The following TNFRSF19 variants were observed in gnomAD, a reference collection of about 807,000 sequenced individuals.
TNFRSF19 encodes the protein tumor necrosis factor receptor superfamily member 19.
In TNFRSF19, 27 loss-of-function variants were observed where a neutral mutation model predicts 46.4. That is an observed-to-expected ratio of 0.58 (90% CI 0.43 to 0.80). The LOEUF (loss-of-function observed/expected upper bound fraction) is 0.80, where lower values mean the gene tolerates loss of function less well. TNFRSF19 is among the 30% of genes least tolerant of loss of function. The pLI, the probability that TNFRSF19 is intolerant of heterozygous loss-of-function variation, is 0.00. For missense variants in TNFRSF19, 511 were observed against 530.8 expected, an observed-to-expected ratio of 0.96 and a Z score of 0.37; for synonymous variants, 204 against 205.0, an observed-to-expected ratio of 1.00 and a Z score of 0.04.
At chr13:23,628,796 T>C (rs1396582590) in intron 5 of TNFRSF19, among the ~76,000 whole-genome samples, 3 of 152,180 alleles carry the variant, frequency 2.0e-5, no homozygotes, top group Non-Finnish European at 4.4e-5. Flanking sequence ...TATATGTGTG[T>C]GTATATGTTT....
At chr13:23,656,201 T>C (rs1396246672) in intron 5 of TNFRSF19, among the ~76,000 whole-genome samples, 1 of 152,216 alleles carries the variant, frequency 6.6e-6, no homozygotes, top group Non-Finnish European at 1.5e-5. Flanking sequence ...AAGGGGCATA[T>C]TGGATGTACT....
chr13:23,655,912 G>A (rs993456324), intron 5 of TNFRSF19, among the ~76,000 whole-genome samples: 5 of 152,104 alleles, frequency 3.3e-5, no homozygotes, highest in Non-Finnish European at 7.4e-5. Context: ...ATTTATGTCT[G>A]CATTGCTATA....
At chr13:23,660,250 C>A in intron 6 of TNFRSF19, 115 bp from the exon 7 acceptor site, 3 of 1,052,512 alleles carry the variant, frequency 2.9e-6, no homozygotes, top group Admixed American at 2.5e-5. Context: ...AAGAAGAAGT[C>A]ATCAAACATT....
At chr13:23,626,201 G>GTGTGTC (rs967024074) in intron 4 of TNFRSF19, among the ~76,000 whole-genome samples, 2 of 151,218 alleles carry the variant, frequency 1.3e-5, no homozygotes, top group Non-Finnish European at 2.9e-5. Flanking sequence ...GTGTGTGTGT[G>GTGTGTC]TGTGTGTGTG....
intron 9 of TNFRSF19, 168 bp downstream of exon 9, chr13:23,669,265 T>A (rs2138419101): frequency 2.8e-6 from 4 of 1,409,534 alleles, no homozygotes; most frequent in East Asian, 2.6e-5. Flanking sequence ...AGTATTTTTT[T>A]AAAAAACTAA....
At chr13:23,664,379 T>C (rs1031827176) in intron 7 of TNFRSF19, among the ~76,000 whole-genome samples, 2 of 152,158 alleles carry the variant, frequency 1.3e-5, no homozygotes, top group Non-Finnish European at 2.9e-5. Flanking sequence ...GTACCAACTT[T>C]CTTTGCTATG....
intron 5 of TNFRSF19, among the ~76,000 whole-genome samples, chr13:23,648,535 A>G (rs1883456608): frequency 6.6e-6 from 1 of 152,150 alleles, no homozygotes. Context: ...CTACACATAG[A>G]GGTAGTTTTG....
At chr13:23,622,029 C>T (rs1399462235) in intron 4 of TNFRSF19, among the ~76,000 whole-genome samples, 1 of 152,122 alleles carries the variant, frequency 6.6e-6, no homozygotes, top group Non-Finnish European at 1.5e-5. Context: ...TGAGCATCAC[C>T]TCTTCATGCG....
chr13:23,608,870 G>T (rs1880695878), intron 3 of TNFRSF19, among the ~76,000 whole-genome samples: 1 of 152,168 alleles, frequency 6.6e-6, no homozygotes, highest in Non-Finnish European at 1.5e-5. Flanking sequence ...GAGCTGCCTT[G>T]CTGGTCAGCC....
intron 4 of TNFRSF19, among the ~76,000 whole-genome samples, chr13:23,621,672 A>C (rs1213201654): frequency 6.6e-6 from 1 of 152,056 alleles, no homozygotes; most frequent in Non-Finnish European, 1.5e-5. Context: ...TGCTATTTGG[A>C]TTCAGTTCAG....
chr13:23,580,984 G>A (rs1017386838), intron 1 of TNFRSF19, among the ~76,000 whole-genome samples: 1 of 152,208 alleles, frequency 6.6e-6, no homozygotes, highest in Non-Finnish European at 1.5e-5. Flanking sequence ...TATTTTCAGA[G>A]CAATCATAAA....
chr13:23,590,404 G>A (rs1032875745), intron 2 of TNFRSF19, 152 bp downstream of exon 2: 5 of 462,960 alleles, frequency 1.1e-5, no homozygotes, highest in Non-Finnish European at 1.9e-5. Context: ...GTGCAATCTT[G>A]GCTCACTGTA....
At chr13:23,624,497 G>C (rs1881864076) in intron 4 of TNFRSF19, among the ~76,000 whole-genome samples, 2 of 151,950 alleles carry the variant, frequency 1.3e-5, no homozygotes, top group African/African-American at 4.8e-5. Context: ...AACTTACCTA[G>C]TTTCAAATGC....
chr13:23,667,971 C>G lies in TNFRSF19; in HGVS notation c.737-9C>G. 6.3e-7 allele frequency: 1 copy of G among 1,595,248 alleles called. No individual in the cohort carries two copies. Among genetic ancestry groups the G allele is most frequent in the African/African-American group, 1.3e-5 (1 of 74,682 alleles). On this transcript the variant is annotated splice_polypyrimidine_tract_variant and intron_variant, in intron 7 of 9. Coordinates refer to ENST00000248484, the MANE Select transcript of TNFRSF19 (RefSeq NM_148957.4). ...GCACTGTGCTTCACACCTGTGCTGTCTTCCCTAGGGCCGGTGCGCTTGCTC... is the reference window on the plus strand; with the variant it reads ...GCACTGTGCTTCACACCTGTGCTGTGTTCCCTAGGGCCGGTGCGCTTGCTC...
intron 5 of TNFRSF19, among the ~76,000 whole-genome samples, chr13:23,636,650 G>A (rs1038662139): frequency 1.3e-5 from 2 of 152,184 alleles, no homozygotes; most frequent in African/African-American, 4.8e-5. Context: ...CTAGGACAGG[G>A]CCCTGAAAGA....
At chr13:23,612,866 G>C (rs986017593) in intron 3 of TNFRSF19, among the ~76,000 whole-genome samples, 1 of 152,112 alleles carries the variant, frequency 6.6e-6, no homozygotes, top group African/African-American at 2.4e-5. Flanking sequence ...TAGTCCATTG[G>C]ATTACTTGTA....
chr13:23,606,754 CAG>C (rs1165649397), intron 3 of TNFRSF19, among the ~76,000 whole-genome samples: 1 of 152,172 alleles, frequency 6.6e-6, no homozygotes, highest in African/African-American at 2.4e-5. Flanking sequence ...TAACATACAA[CAG>C]AGAGGCAAAG....
intron 5 of TNFRSF19, among the ~76,000 whole-genome samples, chr13:23,638,002 A>G (rs1461758430): frequency 6.6e-6 from 1 of 152,192 alleles, no homozygotes; most frequent in Non-Finnish European, 1.5e-5. Flanking sequence ...GGATTCCCAG[A>G]TGGCAGCGCC....
chr13:23,586,373 AG>A (rs1242107531), intron 1 of TNFRSF19, among the ~76,000 whole-genome samples: 2 of 152,202 alleles, frequency 1.3e-5, no homozygotes, highest in Non-Finnish European at 2.9e-5. Context: ...GTGCTGTGGA[AG>A]CAGAAAGAAG....
Sources: allele counts gnomAD v4.1 joint callset (sites outside exome capture counted in the v4.1 genomes callset), GRCh38; gene constraint gnomAD v4.1.1; transcripts MANE v1.5; gene names NCBI Gene and HGNC (gene_info 2026-07-23, HGNC 2026-07-21).